Variants in CGGBP1 observed in about 807,000 individuals in gnomAD.
CGGBP1 encodes the protein CGG triplet repeat binding protein 1, also known as CGG triplet repeat-binding protein 1.
CGGBP1 carries 4 observed loss-of-function variants against 11.4 expected under a neutral mutation model. That is an observed-to-expected ratio of 0.35 (90% CI 0.17 to 0.80). The LOEUF (loss-of-function observed/expected upper bound fraction) is 0.80. Among genes scored for constraint, CGGBP1 ranks in the 30% least tolerant of loss-of-function variants. The pLI, the probability that CGGBP1 is intolerant of heterozygous loss-of-function variation, is 0.52. For missense variants in CGGBP1, 135 were observed against 202.1 expected (o/e 0.67, Z 2.01); for synonymous variants, 76 against 74.1 (o/e 1.03, Z -0.13).
At chr3:88,063,030 A>G (rs1437765461), upstream of CGGBP1, among the ~76,000 whole-genome samples, 3 of 152,212 alleles carry the variant, frequency 2.0e-5, no homozygotes, top group Non-Finnish European at 4.4e-5. Context: ...TCCTGGTGAA[A>G]CACAATGATT....
chr3:88,088,775 T>TGGAA (rs1221072857), intron 2 of CGGBP1, among the ~76,000 whole-genome samples: 1 of 151,650 alleles, frequency 6.6e-6, no homozygotes, highest in Non-Finnish European at 1.5e-5. Flanking sequence ...GATGGATGGA[T>TGGAA]GGATGGATGG....
At chr3:88,142,196 C>T (rs1040675495) in intron 1 of CGGBP1, 3 of 152,178 alleles carry the variant, frequency 2.0e-5, no homozygotes, top group African/African-American at 7.3e-5. Flanking sequence ...CATTAACTTA[C>T]CACAGTGCTA....
At chr3:88,093,030 T>C (rs1360439000) in intron 2 of CGGBP1, among the ~76,000 whole-genome samples, 1 of 152,202 alleles carries the variant, frequency 6.6e-6, no homozygotes, top group Non-Finnish European at 1.5e-5. Context: ...TAATTCTGTC[T>C]AACTTTACCT....
upstream of CGGBP1, chr3:88,059,330 A>G (rs915558810): frequency 7.8e-6 from 12 of 1,533,928 alleles, no homozygotes; most frequent in African/African-American, 1.2e-4. Context: ...ATGGCGGAGG[A>G]AGAGAGCGAC....
intron 2 of CGGBP1, among the ~76,000 whole-genome samples, chr3:88,099,271 C>G (rs1704253877): frequency 6.6e-6 from 1 of 152,072 alleles, no homozygotes; most frequent in Non-Finnish European, 1.5e-5. Flanking sequence ...ATCCAACTTA[C>G]AAGGGATGTG....
chr3:88,084,859 A>G (rs922973416), intron 2 of CGGBP1, among the ~76,000 whole-genome samples: 16 of 152,196 alleles, frequency 1.1e-4, no homozygotes, highest in African/African-American at 3.9e-4. Context: ...TGCTACACTT[A>G]GTAGGTTTTC....
At chr3:88,098,368 C>T (rs1704190698) in intron 2 of CGGBP1, among the ~76,000 whole-genome samples, 1 of 152,108 alleles carries the variant, frequency 6.6e-6, no homozygotes, top group Admixed American at 6.6e-5. Context: ...GGGTCCAGGA[C>T]CAGATGGATT....
chr3:88,095,646 T>C (rs1704014631), intron 2 of CGGBP1: 2 of 498,996 alleles, frequency 4.0e-6, no homozygotes, highest in Admixed American at 4.3e-5. Context: ...CCAAGCAATA[T>C]CATCACTCTG....
At chr3:88,078,171 G>C (rs775409286) in intron 2 of CGGBP1, among the ~76,000 whole-genome samples, 3 of 152,032 alleles carry the variant, frequency 2.0e-5, no homozygotes, top group African/African-American at 4.8e-5. Flanking sequence ...TTTCCTCTTG[G>C]ATGGAATTAA....
intron 2 of CGGBP1, among the ~76,000 whole-genome samples, chr3:88,111,215 G>A (rs913494898): frequency 6.6e-6 from 1 of 151,872 alleles, no homozygotes; most frequent in African/African-American, 2.4e-5. Flanking sequence ...TTTTTGTTGG[G>A]CTTGTTTTAT....
intron 2 of CGGBP1, among the ~76,000 whole-genome samples, chr3:88,128,252 A>C (rs1706237268): frequency 6.6e-6 from 1 of 152,130 alleles, no homozygotes; most frequent in South Asian, 2.1e-4. Context: ...AGTAATACAT[A>C]AATGTATATT....
intron 2 of CGGBP1, among the ~76,000 whole-genome samples, chr3:88,123,081 G>A (rs1705876944): frequency 6.6e-6 from 1 of 151,284 alleles, no homozygotes; most frequent in Non-Finnish European, 1.5e-5. Context: ...GAGAGAATAA[G>A]TTGTGCATTC....
At chr3:88,134,103 TAAA>T (rs749235741) in intron 2 of CGGBP1, among the ~76,000 whole-genome samples, 2 of 142,330 alleles carry the variant, frequency 1.4e-5, no homozygotes, top group African/African-American at 2.6e-5. Context: ...GAGTGTGAGT[TAAA>T]AAAAAAAAAG....
intron 2 of CGGBP1, among the ~76,000 whole-genome samples, chr3:88,131,378 G>A (rs1244090793): frequency 6.6e-6 from 1 of 152,114 alleles, no homozygotes; most frequent in Admixed American, 6.5e-5. Flanking sequence ...ACTGAAAATA[G>A]TCATGACAGT....
intron 2 of CGGBP1, among the ~76,000 whole-genome samples, chr3:88,084,740 A>G (rs1708250122): frequency 1.3e-5 from 2 of 152,160 alleles, no homozygotes. Context: ...TGAGTCAGAG[A>G]TAATGGACTT....
At chr3:88,119,484 A>T (rs1705638402) in intron 2 of CGGBP1, among the ~76,000 whole-genome samples, 2 of 150,312 alleles carry the variant, frequency 1.3e-5, no homozygotes, top group Non-Finnish European at 3.0e-5. Flanking sequence ...TGGCACATGT[A>T]TACATATGTA....
chr3:88,126,579 C>CTTTTTTTTTT (rs144091813), intron 2 of CGGBP1, among the ~76,000 whole-genome samples: 2 of 81,744 alleles, frequency 2.4e-5, no homozygotes, highest in Non-Finnish European at 4.7e-5. Context: ...GTAGAAACAT[C>CTTTTTTTTTT]TTTTTTTTTT....
At chr3:88,129,113 T>A (rs1324688889) in intron 2 of CGGBP1, 8 of 798,430 alleles carry the variant, frequency 1.0e-5, no homozygotes, top group Non-Finnish European at 1.3e-5. Flanking sequence ...CCTTTTACAG[T>A]AATGCCAAAG....
In CGGBP1 at chr3:88,109,950, A is replaced by G. The variant is rs562033695; in HGVS notation, c.-229+31020T>C. Among the ~76,000 whole-genome samples, 3 of 152,298 alleles carry G rather than the reference A, an allele frequency of 2.0e-5. No homozygotes were observed. In the South Asian group the frequency reaches 6.2e-4, roughly 32 times the overall value. ...TAATCAGATTTTTAAAAAAATCTTC[A>G]TAATTTAAGAATAATTAGCCTGTTA... On this transcript the variant is annotated intron_variant, in intron 2 of 3. Coordinates refer to the CGGBP1 transcript ENST00000462901.
Sources: allele counts gnomAD v4.1 joint callset (sites outside exome capture counted in the v4.1 genomes callset), GRCh38; gene constraint gnomAD v4.1.1; transcripts MANE v1.5; gene names NCBI Gene and HGNC (gene_info 2026-07-23, HGNC 2026-07-21).